SESTD1: variants seen among roughly 807,000 people sequenced by gnomAD.
SESTD1 encodes the protein SEC14 and spectrin domain containing 1.
SESTD1 carries 43 observed loss-of-function variants against 101.7 expected under a neutral mutation model. The observed-to-expected ratio is 0.42, with a 90% CI of 0.33 to 0.55. The LOEUF (loss-of-function observed/expected upper bound fraction) is 0.55, where lower values mean the gene tolerates loss of function less well. SESTD1 is among the 20% of genes least tolerant of loss of function. The pLI is 0.07. For missense variants in SESTD1, 647 were observed against 815.1 expected, an observed-to-expected ratio of 0.79 and a Z score of 2.51; for synonymous variants, 283 against 286.8, an observed-to-expected ratio of 0.99 and a Z score of 0.13.
chr2:179,252,748 C>G (rs779178606), intron 1 of SESTD1, among the ~76,000 whole-genome samples: 24 of 152,324 alleles, frequency 1.6e-4, no homozygotes, highest in Non-Finnish European at 2.8e-4. Context: ...CTGGGAGAAT[C>G]TGGCCCAAAA....
intron 9 of SESTD1, among the ~76,000 whole-genome samples, chr2:179,142,057 A>G (rs1460850329): frequency 6.6e-6 from 1 of 152,230 alleles, no homozygotes; most frequent in Non-Finnish European, 1.5e-5. Context: ...TAATTTGAGA[A>G]GCCACGAACT....
Position 179,107,695 on chromosome 2 carries a change from A to G in SESTD1, c.*2204T>C, listed in dbSNP as rs1368669072. 1 of 152,150 alleles carries G rather than the reference A, an allele frequency of 6.6e-6. No homozygotes were observed. The highest frequency in any genetic ancestry group is 2.4e-5 in the African/African-American group (1 of 41,446). The allele number at this position is 152,150 out of a possible 1,614,324, so 9.4% of individuals were successfully genotyped here. On this transcript the variant is annotated 3_prime_UTR_variant, in exon 18 of 18. Transcript: ENST00000428443. ...TGCAATGTAACAGGGATTATTACTA[A>G]TGCCTATAATACAGCATTCATATTT...
At chr2:179,146,624 A>G (rs1215543600) in intron 7 of SESTD1, among the ~76,000 whole-genome samples, 167 bp from the exon 8 acceptor site, 1 of 152,226 alleles carries the variant, frequency 6.6e-6, no homozygotes, top group Admixed American at 6.5e-5. Context: ...GCCCATTAGG[A>G]AAAGTAAATA....
At chr2:179,186,373 G>C (rs1559134832) in intron 2 of SESTD1, among the ~76,000 whole-genome samples, 1 of 151,966 alleles carries the variant, frequency 6.6e-6, no homozygotes, top group African/African-American at 2.4e-5. Context: ...CACACTTCAA[G>C]TTGATAACTG....
In SESTD1 at chr2:179,201,991, T is replaced by G. The variant is rs1422135066; in HGVS notation, c.-25-10125A>C. On this transcript the variant is annotated intron_variant, in intron 1 of 17. Coordinates refer to ENST00000428443, the MANE Select transcript of SESTD1 (RefSeq NM_178123.5). ...GGAATGCTTAGGACAAGTCACAAAG[T>G]CCAAGCATGTCAAAAATAGTCTGTG... 1.6e-5 allele frequency among the ~76,000 whole-genome samples: 2 copies of G among 128,670 alleles called. 1 individual carries two copies. Among genetic ancestry groups the G allele is most frequent in the Non-Finnish European group, 3.3e-5 (2 of 61,140 alleles). 84.4% of individuals were successfully genotyped at this position (128,670 alleles called of 152,430 possible).
chr2:179,237,992 A>C (rs2047094175), intron 1 of SESTD1, among the ~76,000 whole-genome samples: 1 of 152,148 alleles, frequency 6.6e-6, no homozygotes, highest in African/African-American at 2.4e-5. Context: ...AGCTACTAAG[A>C]GCCTACTGCT....
chr2:179,157,829 T>C (rs758149834), intron 5 of SESTD1, among the ~76,000 whole-genome samples: 24 of 152,340 alleles, frequency 1.6e-4, no homozygotes, highest in Non-Finnish European at 3.1e-4. Flanking sequence ...AAAGAAATTA[T>C]CTTTTCATTT....
chr2:179,187,711 G>A (rs921701178), intron 2 of SESTD1, among the ~76,000 whole-genome samples: 1 of 152,086 alleles, frequency 6.6e-6, no homozygotes, highest in African/African-American at 2.4e-5. Flanking sequence ...ACAATGACAG[G>A]TTCAAAGAAA....
At chr2:179,132,507 C>A in intron 9 of SESTD1, 81 bp from the exon 10 acceptor site, 1 of 1,443,222 alleles carries the variant, frequency 6.9e-7, no homozygotes, top group South Asian at 1.4e-5. Context: ...TTTCCCCTCC[C>A]AAAGTTCCCC....
rs1034005560 is a variant in SESTD1, at chr2:179,107,818, A to C, written c.*2081T>G. On this transcript the variant is annotated 3_prime_UTR_variant, in exon 18 of 18. Transcript: ENST00000428443. ...AGCTTACTGGGTACAGACATAAACA[A>C]CTGTAGAATGTGATAGCACCATCAT... The C allele has an allele frequency of 1.3e-5, 2 of 152,116 alleles. No individual in the cohort carries two copies. The highest frequency in any genetic ancestry group is 4.8e-5 in the African/African-American group (2 of 41,424). The allele number at this position is 152,116 out of a possible 1,614,324, so 9.4% of individuals were successfully genotyped here.
At chr2:179,197,226 G>C (rs1428100260) in intron 1 of SESTD1, among the ~76,000 whole-genome samples, 1 of 151,750 alleles carries the variant, frequency 6.6e-6, no homozygotes, top group Admixed American at 6.6e-5. Context: ...AAAATGAAAT[G>C]AATGAAATGA....
intron 1 of SESTD1, among the ~76,000 whole-genome samples, chr2:179,196,820 T>C (rs1038044271): frequency 1.3e-5 from 2 of 151,948 alleles, no homozygotes; most frequent in African/African-American, 4.8e-5. Flanking sequence ...ATCACCATCA[T>C]CAAAGACCAA....
chr2:179,185,873 T>C (rs976990730), intron 2 of SESTD1, among the ~76,000 whole-genome samples: 4 of 135,482 alleles, frequency 3.0e-5, no homozygotes, highest in Non-Finnish European at 6.1e-5. Context: ...TTATATACAA[T>C]ATATAATATA....
intron 1 of SESTD1, among the ~76,000 whole-genome samples, chr2:179,251,997 A>T (rs1199222292): frequency 6.6e-6 from 1 of 152,236 alleles, no homozygotes; most frequent in Non-Finnish European, 1.5e-5. Context: ...CTGTCCTATC[A>T]ACATTCTTAT....
At chr2:179,150,579 T>C (rs2105449665) in intron 6 of SESTD1, among the ~76,000 whole-genome samples, 1 of 152,022 alleles carries the variant, frequency 6.6e-6, no homozygotes, top group Non-Finnish European at 1.5e-5. Context: ...CCCAGCACTT[T>C]GGAAGGCCGA....
chr2:179,136,261 GC>G (rs2045142149), intron 9 of SESTD1, among the ~76,000 whole-genome samples: 1 of 152,192 alleles, frequency 6.6e-6, no homozygotes, highest in Non-Finnish European at 1.5e-5. Flanking sequence ...ATGTAAGACA[GC>G]ACATTAATGA....
chr2:179,221,591 C>T (rs1354503330), intron 1 of SESTD1, among the ~76,000 whole-genome samples: 6 of 151,150 alleles, frequency 4.0e-5, no homozygotes, highest in Non-Finnish European at 8.8e-5. Context: ...TGCACTCCAG[C>T]CTGGGTGACA....
At chr2:179,239,054 G>A (rs1207833514) in intron 1 of SESTD1, among the ~76,000 whole-genome samples, 2 of 152,148 alleles carry the variant, frequency 1.3e-5, no homozygotes, top group Admixed American at 1.3e-4. Flanking sequence ...TGCTGTAGCA[G>A]TAAATTATTT....
chr2:179,220,284 T>C (rs1346703547), intron 1 of SESTD1, among the ~76,000 whole-genome samples: 1 of 152,190 alleles, frequency 6.6e-6, no homozygotes, highest in Non-Finnish European at 1.5e-5. Context: ...TAAAGTTCCT[T>C]AACTTTCATA....
Sources: gnomAD v4.1 joint callset for allele counts (sites outside exome capture counted in the v4.1 genomes callset) on GRCh38, gnomAD v4.1.1 for gene constraint, MANE v1.5 for transcripts, NCBI Gene and HGNC (gene_info 2026-07-23, HGNC 2026-07-21) for gene names.